TAFA2: variants seen among roughly 807,000 people sequenced by gnomAD.
TAFA2 encodes the protein chemokine-like protein TAFA-2.
In TAFA2, 7 loss-of-function variants were observed where a neutral mutation model predicts 18.8. That is an observed-to-expected ratio of 0.37 (90% CI 0.21 to 0.70). TAFA2 has a LOEUF of 0.70. Among genes scored for constraint, TAFA2 ranks in the 30% least tolerant of loss-of-function variants. TAFA2 has a pLI of 0.53. For synonymous variants in TAFA2, 60 were observed against 54.2 expected, an observed-to-expected ratio of 1.11 and a Z score of -0.47; for missense variants, 122 against 158.1, an observed-to-expected ratio of 0.77 and a Z score of 1.23.
chr12:61,911,355 C>T (rs1876604301), intron 1 of TAFA2, among the ~76,000 whole-genome samples: 1 of 152,124 alleles, frequency 6.6e-6, no homozygotes, highest in South Asian at 2.1e-4. Flanking sequence ...TCGAAAATTC[C>T]AGTCAACAAA....
At chr12:62,249,443 T>C (rs374190019) in intron 1 of TAFA2, among the ~76,000 whole-genome samples, 2 of 152,178 alleles carry the variant, frequency 1.3e-5, no homozygotes, top group Non-Finnish European at 2.9e-5. Context: ...CTTGTGGTAA[T>C]GAGTAAGTTC....
At chr12:61,757,238 G>A (rs1423011031) in intron 2 of TAFA2, among the ~76,000 whole-genome samples, 1 of 152,058 alleles carries the variant, frequency 6.6e-6, no homozygotes, top group Non-Finnish European at 1.5e-5. Context: ...GGGAGAAGTA[G>A]CAGCTTGGAT....
chr12:61,748,000 C>T (rs1274385315), intron 4 of TAFA2, among the ~76,000 whole-genome samples: 7 of 151,960 alleles, frequency 4.6e-5, no homozygotes, highest in African/African-American at 1.7e-4. Context: ...AAGTTAGCAG[C>T]GGCTATCAGT....
chr12:62,125,637 C>T (rs1870425427), intron 1 of TAFA2, among the ~76,000 whole-genome samples: 1 of 152,040 alleles, frequency 6.6e-6, no homozygotes, highest in Non-Finnish European at 1.5e-5. Context: ...AGAGACAGAG[C>T]ACATGTTTAG....
intron 1 of TAFA2, among the ~76,000 whole-genome samples, chr12:62,107,510 C>T (rs1869513399): frequency 6.6e-6 from 1 of 152,132 alleles, no homozygotes; most frequent in Non-Finnish European, 1.5e-5. Flanking sequence ...GCCTAGGGAC[C>T]TCAAAAGTTA....
At chr12:62,123,779 CAT>C (rs1491259647) in intron 1 of TAFA2, among the ~76,000 whole-genome samples, 6,191 of 115,746 alleles carry the variant, frequency 0.053, 197 homozygotes, top group Non-Finnish European at 0.077. Flanking sequence ...CCACCACACA[CAT>C]ACACACACAC....
At chr12:61,925,634 A>G (rs550664276) in intron 1 of TAFA2, among the ~76,000 whole-genome samples, 3 of 152,234 alleles carry the variant, frequency 2.0e-5, no homozygotes, top group Non-Finnish European at 2.9e-5. Flanking sequence ...TATAGCACTA[A>G]GTGCCCACAG....
chr12:61,754,594 C>T (rs1020919965), intron 3 of TAFA2, among the ~76,000 whole-genome samples: 8 of 151,368 alleles, frequency 5.3e-5, no homozygotes, highest in African/African-American at 9.7e-5. Flanking sequence ...CACCATCCAC[C>T]GAGAAATCAA....
At chr12:62,021,812 G>T (rs1565719133) in intron 1 of TAFA2, 1 of 864,924 alleles carries the variant, frequency 1.2e-6, no homozygotes, top group South Asian at 1.3e-5. Flanking sequence ...AGTTAACACG[G>T]TCTCCGCTGT....
In TAFA2 at chr12:61,779,671, A is replaced by T. The variant is rs577380896; in HGVS notation, c.107-24647T>A. ...ATAAATCATAGAAAAGACTAAAATCAATTGGTAGGGAGGAGATTTTCCCAT... is the reference window on the plus strand; with the variant it reads ...ATAAATCATAGAAAAGACTAAAATCTATTGGTAGGGAGGAGATTTTCCCAT... On this transcript the variant is annotated intron_variant, in intron 2 of 4. Coordinates refer to ENST00000416284, the MANE Select transcript of TAFA2 (RefSeq NM_178539.5). Among the ~76,000 whole-genome samples, 5 of 151,892 alleles carry T rather than the reference A, an allele frequency of 3.3e-5. 1 individual carries two copies. In the South Asian group the frequency reaches 8.3e-4, roughly 25 times the overall value.
intron 2 of TAFA2, among the ~76,000 whole-genome samples, chr12:61,859,462 G>A (rs1212606305): frequency 2.6e-5 from 4 of 152,164 alleles, no homozygotes; most frequent in Non-Finnish European, 5.9e-5. Context: ...TTTTGATTTT[G>A]AGATGGAGTC....
chr12:61,857,135 C>T (rs1406005175), intron 2 of TAFA2, among the ~76,000 whole-genome samples: 2 of 151,776 alleles, frequency 1.3e-5, no homozygotes. Context: ...TTAAACATTA[C>T]ATTTGAAAAG....
At chr12:62,064,557 G>A (rs80308654) in intron 1 of TAFA2, among the ~76,000 whole-genome samples, 2,779 of 152,118 alleles carry the variant, frequency 0.018, 95 homozygotes, top group African/African-American at 0.064. Context: ...GTTGGACTTC[G>A]GTTTTCAAAT....
chr12:61,955,600 C>A (rs1592511737), intron 1 of TAFA2, among the ~76,000 whole-genome samples: 1 of 38,938 alleles, frequency 2.6e-5, no homozygotes, highest in Non-Finnish European at 3.9e-5. Context: ...GACTCCATCT[C>A]AAAAAAAAAA....
chr12:62,149,897 A>G (rs2136918425), intron 1 of TAFA2, among the ~76,000 whole-genome samples: 1 of 152,300 alleles, frequency 6.6e-6, no homozygotes, highest in Middle Eastern at 3.4e-3. Flanking sequence ...ATTGCTGTTG[A>G]AGATACCATC....
At chr12:61,724,797 G>GTGTGTATACACCAGATGGGTGTATA (rs1565751055) in intron 4 of TAFA2, among the ~76,000 whole-genome samples, 13 of 114,108 alleles carry the variant, frequency 1.1e-4, no homozygotes, top group African/African-American at 3.7e-4. Context: ...GTGTGTGTGT[G>GTGTGTATACACCAGATGGGTGTATA]TGTGTATACA....
intron 1 of TAFA2, among the ~76,000 whole-genome samples, chr12:62,244,075 C>T (rs1234171199): frequency 6.6e-6 from 1 of 151,398 alleles, no homozygotes; most frequent in African/African-American, 2.4e-5. Flanking sequence ...CAAGTATGAG[C>T]CACCATACCT....
At chr12:62,229,832 A>G (rs1359016976) in intron 1 of TAFA2, among the ~76,000 whole-genome samples, 2 of 151,888 alleles carry the variant, frequency 1.3e-5, no homozygotes, top group Admixed American at 1.3e-4. Flanking sequence ...AAGTGAAGTC[A>G]TCGTGTCCTG....
chr12:61,950,981 ACTT>A (rs556237438), intron 1 of TAFA2, among the ~76,000 whole-genome samples: 65 of 152,230 alleles, frequency 4.3e-4, no homozygotes, highest in Middle Eastern at 3.4e-3. Flanking sequence ...GAGCCTATTG[ACTT>A]CTTATTGGCT....
Sources: allele counts gnomAD v4.1 joint callset (sites outside exome capture counted in the v4.1 genomes callset), GRCh38; gene constraint gnomAD v4.1.1; transcripts MANE v1.5; gene names NCBI Gene and HGNC (gene_info 2026-07-23, HGNC 2026-07-21).